Variants in SUCO observed in about 807,000 individuals in gnomAD.
SUCO encodes the protein SUN domain-containing ossification factor.
In SUCO, 57 loss-of-function variants were observed where a neutral mutation model predicts 148.1. The ratio of observed to expected loss-of-function variants is 0.38; its 90% CI spans 0.31 to 0.48. The LOEUF (loss-of-function observed/expected upper bound fraction) is 0.48, where lower values mean the gene tolerates loss of function less well. Ranked by LOEUF, SUCO falls within the 20% of genes least tolerant of loss-of-function variation. The probability of loss-of-function intolerance (pLI) is 0.96; values close to 1 mark genes in which losing one functional copy is unlikely to be tolerated. For synonymous variants in SUCO, 470 were observed against 502.7 expected, an observed-to-expected ratio of 0.93 and a Z score of 0.87; for missense variants, 1,331 against 1,468.2, an observed-to-expected ratio of 0.91 and a Z score of 1.53.
chr1:172,558,977 T>G (rs987704308), intron 6 of SUCO, among the ~76,000 whole-genome samples: 1 of 152,216 alleles, frequency 6.6e-6, no homozygotes. Context: ...TTAATTACTT[T>G]CTAAATGAAT....
chr1:172,568,477 C>G (rs1654714934), intron 6 of SUCO: 2 of 951,998 alleles, frequency 2.1e-6, no homozygotes, highest in Admixed American at 1.2e-4. Context: ...TTTATGCATT[C>G]TGCATCTTAT....
rs556035950 is a variant in SUCO, at chr1:172,610,177, C to T, written c.3683C>T (p.Pro1228Leu). Residue 1228 changes from proline to leucine, a missense_variant, in exon 24 of 24, where the codon CCG becomes CTG. Coordinates refer to ENST00000263688, the MANE Select transcript of SUCO (RefSeq NM_014283.5). ...TLIQTKSGSLPSLHDIIKGNK... is the reference protein window; with the variant it reads ...TLIQTKSGSLLSLHDIIKGNK... ...ATACAGACTAAGTCGGGATCATTGC[C>T]GAGCCTGCATGACATAATCAAAGGA... The T allele has an allele frequency of 4.3e-6, 7 of 1,613,356 alleles. No individual in the cohort carries two copies. The highest frequency in any genetic ancestry group is 3.3e-5 in the Admixed American group (2 of 59,932).
At chr1:172,566,650 G>T (rs1343132933) in intron 6 of SUCO, among the ~76,000 whole-genome samples, 1 of 152,276 alleles carries the variant, frequency 6.6e-6, no homozygotes, top group Non-Finnish European at 1.5e-5. Flanking sequence ...CAGTTCTGCA[G>T]TCATACCCAC....
intron 19 of SUCO, among the ~76,000 whole-genome samples, chr1:172,594,330 A>AT (rs1277897673): frequency 6.6e-6 from 1 of 151,716 alleles, no homozygotes; most frequent in Non-Finnish European, 1.5e-5. Flanking sequence ...TAGCTTTTGA[A>AT]TGGTTTGCTC....
At chr1:172,556,738 T>C (rs1196825607) in intron 4 of SUCO, 29 of 984,580 alleles carry the variant, frequency 2.9e-5, no homozygotes, top group Non-Finnish European at 3.1e-5. Context: ...TGTTGAGAAA[T>C]AATGATAGTA....
chr1:172,540,633 T>C (rs1034541782), intron 1 of SUCO, among the ~76,000 whole-genome samples: 2 of 152,156 alleles, frequency 1.3e-5, no homozygotes, highest in African/African-American at 4.8e-5. Context: ...AGGCTTGACT[T>C]GGGTTTAAGG....
At chr1:172,553,497 A>C (rs1571198995) in intron 3 of SUCO, 127 bp downstream of exon 3, 2 of 473,278 alleles carry the variant, frequency 4.2e-6, no homozygotes, top group East Asian at 6.7e-5. Flanking sequence ...CTGTAACTGG[A>C]CTTAAGATTA....
chr1:172,551,485 T>G, intron 1 of SUCO, 27 bp from the exon 2 acceptor site: 2 of 1,362,336 alleles, frequency 1.5e-6, no homozygotes, highest in Non-Finnish European at 2.0e-6. Context: ...CTTTTTCTGT[T>G]TGTTGGTGGT....
Position 172,556,004 on chromosome 1 carries a change from A to G in SUCO, c.424A>G (p.Thr142Ala). 1 of 1,612,472 alleles carries G rather than the reference A, an allele frequency of 6.2e-7. No individual in the cohort carries two copies. The highest frequency in any genetic ancestry group is 8.5e-7 in the Non-Finnish European group (1 of 1,179,246). ...NISSSSTSEITPISKLDEIEK... is the reference protein window; with the variant it reads ...NISSSSTSEIAPISKLDEIEK... Reference sequence around the variant, plus strand: ...TTCCAGCTCATCTACCTCAGAAATCACTCCAATCTCAAAGCTTGAGTAAGT... The same window carrying G: ...TTCCAGCTCATCTACCTCAGAAATCGCTCCAATCTCAAAGCTTGAGTAAGT... Residue 142 changes from threonine to alanine, a missense_variant, in exon 4 of 24, where the codon ACT (threonine) becomes GCT (alanine). By Grantham distance (58) the Thr-to-Ala change is moderately conservative (BLOSUM62 0). Coordinates refer to ENST00000263688, the MANE Select transcript of SUCO (RefSeq NM_014283.5).
chr1:172,540,372 A>G (rs1571174270), intron 1 of SUCO, among the ~76,000 whole-genome samples: 1 of 152,202 alleles, frequency 6.6e-6, no homozygotes, highest in African/African-American at 2.4e-5. Flanking sequence ...AGGAATGGAC[A>G]TTGGAATTGT....
intron 1 of SUCO, among the ~76,000 whole-genome samples, chr1:172,540,887 A>G (rs921337428): frequency 6.6e-6 from 1 of 152,174 alleles, no homozygotes; most frequent in Non-Finnish European, 1.5e-5. Context: ...CTGAGGAGAA[A>G]GAGAGAGATT....
At chr1:172,572,443 G>A (rs940824268) in intron 9 of SUCO, among the ~76,000 whole-genome samples, 2 of 151,826 alleles carry the variant, frequency 1.3e-5, no homozygotes, top group Non-Finnish European at 1.5e-5. Flanking sequence ...GTCCACTCAG[G>A]GTTAAATGGA....
At chr1:172,545,097 G>A (rs1422378896) in intron 1 of SUCO, among the ~76,000 whole-genome samples, 2 of 152,170 alleles carry the variant, frequency 1.3e-5, no homozygotes, top group Non-Finnish European at 2.9e-5. Context: ...CTAGTTTGAG[G>A]ACTGGGTAGA....
At chr1:172,547,981 A>G (rs925819625) in intron 1 of SUCO, among the ~76,000 whole-genome samples, 4 of 152,024 alleles carry the variant, frequency 2.6e-5, no homozygotes, top group African/African-American at 7.2e-5. Flanking sequence ...AAATATTAAC[A>G]ATGGATTGAT....
At chr1:172,550,550 T>C (rs556774646) in intron 1 of SUCO, among the ~76,000 whole-genome samples, 36 of 152,104 alleles carry the variant, frequency 2.4e-4, no homozygotes, top group Non-Finnish European at 2.1e-4. Flanking sequence ...GATACACTCA[T>C]TGTTTGGAAC....
chr1:172,579,385 A>T, intron 15 of SUCO, 118 bp downstream of exon 15: 1 of 585,650 alleles, frequency 1.7e-6, no homozygotes, highest in East Asian at 3.0e-5. Context: ...GAGTTGAAAT[A>T]AAAGATACTG....
At chr1:172,540,990 C>G (rs1652410452) in intron 1 of SUCO, among the ~76,000 whole-genome samples, 1 of 151,992 alleles carries the variant, frequency 6.6e-6, no homozygotes, top group African/African-American at 2.4e-5. Context: ...ATTATTTTGA[C>G]ATAATTGTGC....
rs568470700 is a variant in SUCO, at chr1:172,540,879, G to A, written c.62+7382G>A. 2.0e-5 allele frequency among the ~76,000 whole-genome samples: 3 copies of A among 152,280 alleles called. No individual in the cohort carries two copies. In the South Asian group the frequency reaches 6.2e-4, roughly 32 times the overall value. On this transcript the variant is annotated intron_variant, in intron 1 of 23. Transcript: ENST00000263688. ...AGAGTGGTAGTAAACAGAAAAGCCT[G>A]AGGAGAAAGAGAGAGATTTCAGAGA...
intron 15 of SUCO, 57 bp downstream of exon 15, chr1:172,579,324 A>T (rs1230789118): frequency 6.4e-6 from 7 of 1,097,850 alleles, no homozygotes; most frequent in Non-Finnish European, 8.2e-6. Flanking sequence ...TGACACACAC[A>T]GACATTTTGT....
Sources: gnomAD v4.1 joint callset for allele counts (sites outside exome capture counted in the v4.1 genomes callset) on GRCh38, gnomAD v4.1.1 for gene constraint, MANE v1.5 for transcripts, NCBI Gene and HGNC (gene_info 2026-07-23, HGNC 2026-07-21) for gene names.